MARCHF5: variants seen among roughly 807,000 people sequenced by gnomAD.
MARCHF5 encodes the protein E3 ubiquitin-protein ligase MARCHF5.
In MARCHF5, 5 loss-of-function variants were observed where a neutral mutation model predicts 36.5. The ratio of observed to expected loss-of-function variants is 0.14; its 90% CI spans 0.07 to 0.29. MARCHF5 has a LOEUF of 0.29. Ranked by LOEUF, MARCHF5 falls within the 10% of genes least tolerant of loss-of-function variation. The probability of loss-of-function intolerance (pLI) is 1.00; values close to 1 mark genes in which losing one functional copy is unlikely to be tolerated. For synonymous variants in MARCHF5, 103 were observed against 109.9 expected (o/e 0.94, Z 0.39); for missense variants, 179 against 336.3 (o/e 0.53, Z 3.66).
intron 1 of MARCHF5, among the ~76,000 whole-genome samples, chr10:92,299,262 T>C (rs925361171): frequency 6.6e-6 from 1 of 152,210 alleles, no homozygotes; most frequent in Non-Finnish European, 1.5e-5. Context: ...GAAGGCACAA[T>C]TATAATCATG....
chr10:92,319,000 C>A (rs761743119), intron 2 of MARCHF5, among the ~76,000 whole-genome samples: 1 of 152,164 alleles, frequency 6.6e-6, no homozygotes, highest in Non-Finnish European at 1.5e-5. Context: ...AGCCGCTGTG[C>A]CTGACGACTT....
At chr10:92,338,937 C>T (rs867447025) in intron 2 of MARCHF5, among the ~76,000 whole-genome samples, 1 of 151,560 alleles carries the variant, frequency 6.6e-6, no homozygotes, top group African/African-American at 2.4e-5. Context: ...CTCAGTTACT[C>T]GGGAGGCTGA....
chr10:92,339,604 A>G (rs1211218188), intron 2 of MARCHF5, among the ~76,000 whole-genome samples: 2 of 152,188 alleles, frequency 1.3e-5, no homozygotes, highest in African/African-American at 4.8e-5. Context: ...CAAGAGGCGG[A>G]GGTTGCAGTG....
intron 1 of MARCHF5, among the ~76,000 whole-genome samples, chr10:92,310,205 T>G (rs532120556): frequency 2.0e-4 from 30 of 152,302 alleles, no homozygotes; most frequent in South Asian, 6.2e-4. Context: ...ATCCAATTAA[T>G]TAAAAAGTGC....
chr10:92,297,408 G>C (rs1842959544), intron 1 of MARCHF5, among the ~76,000 whole-genome samples: 2 of 150,834 alleles, frequency 1.3e-5, no homozygotes, highest in Non-Finnish European at 2.9e-5. Context: ...GGGCTCAAGT[G>C]ATCCGCTCGC....
At chr10:92,313,458 A>G (rs1843169991) in intron 2 of MARCHF5, among the ~76,000 whole-genome samples, 1 of 151,848 alleles carries the variant, frequency 6.6e-6, no homozygotes, top group Non-Finnish European at 1.5e-5. Flanking sequence ...CAAAAAAATT[A>G]GCCAGCCTTG....
intron 5 of MARCHF5, among the ~76,000 whole-genome samples, chr10:92,350,502 G>A (rs2135223761): frequency 6.6e-6 from 1 of 152,322 alleles, no homozygotes; most frequent in South Asian, 2.1e-4. Flanking sequence ...AAGCAGGGGT[G>A]ATTGTCGGGT....
intron 1 of MARCHF5, among the ~76,000 whole-genome samples, chr10:92,308,778 C>T (rs1261558997): frequency 4.0e-5 from 6 of 150,040 alleles, no homozygotes; most frequent in Admixed American, 1.3e-4. Context: ...GATCTTGGCT[C>T]ACTGCAAGCT....
At chr10:92,339,044 C>CA (rs530962202) in intron 2 of MARCHF5, among the ~76,000 whole-genome samples, 14,610 of 146,676 alleles carry the variant, frequency 0.1, 2,414 homozygotes, top group African/African-American at 0.34. Context: ...AACTCTGTCT[C>CA]AAAAAAAAAA....
chr10:92,340,850 A>T (rs373741699), intron 3 of MARCHF5, 47 bp downstream of exon 3: 1 of 1,443,898 alleles, frequency 6.9e-7, no homozygotes, highest in East Asian at 2.5e-5. Context: ...GTGAAGATCT[A>T]TTAAAACATT....
intron 2 of MARCHF5, chr10:92,333,571 C>T: frequency 1.2e-6 from 1 of 819,524 alleles, no homozygotes; most frequent in Non-Finnish European, 1.5e-6. Flanking sequence ...ATTGAGACAA[C>T]TGAACAAACA....
intron 2 of MARCHF5, among the ~76,000 whole-genome samples, chr10:92,323,068 TTGCTCAGGC>T (rs1016159729): frequency 3.3e-5 from 5 of 151,958 alleles, no homozygotes; most frequent in African/African-American, 4.8e-5. Context: ...TCTTGCCATG[TTGCTCAGGC>T]TGGAGTGCAG....
chr10:92,317,401 G>T (rs1375047435), intron 2 of MARCHF5, among the ~76,000 whole-genome samples: 1 of 151,908 alleles, frequency 6.6e-6, no homozygotes, highest in African/African-American at 2.4e-5. Context: ...GCCCAGGCAA[G>T]ATTTATTTTC....
intron 1 of MARCHF5, among the ~76,000 whole-genome samples, chr10:92,302,861 A>C (rs1198132595): frequency 6.6e-6 from 1 of 152,208 alleles, no homozygotes; most frequent in Non-Finnish European, 1.5e-5. Context: ...GCAGTCATGT[A>C]AATACACTAT....
intron 3 of MARCHF5, among the ~76,000 whole-genome samples, chr10:92,341,425 A>G (rs1025585987): frequency 6.6e-6 from 1 of 152,092 alleles, no homozygotes; most frequent in Non-Finnish European, 1.5e-5. Flanking sequence ...GCTACATAGA[A>G]CTTGGATAAG....
intron 2 of MARCHF5, among the ~76,000 whole-genome samples, chr10:92,328,821 A>ATATATATATATATAT (rs372130854): frequency 2.5e-5 from 3 of 122,442 alleles, no homozygotes; most frequent in African/African-American, 9.5e-5. Context: ...ATATATATAT[A>ATATATATATATATAT]TTTTTTTTTT....
intron 1 of MARCHF5, among the ~76,000 whole-genome samples, chr10:92,304,591 T>C (rs188393367): frequency 2.0e-5 from 3 of 152,326 alleles, no homozygotes; most frequent in Non-Finnish European, 2.9e-5. Flanking sequence ...ATTTAGCTCA[T>C]TGTAATTTGA....
intron 1 of MARCHF5, among the ~76,000 whole-genome samples, chr10:92,303,811 A>G: frequency 6.6e-6 from 1 of 152,194 alleles, no homozygotes; most frequent in East Asian, 1.9e-4. Flanking sequence ...GTAAGACTAT[A>G]CATCTGTTCT....
At position 92,300,255 on chromosome 10, in the gene MARCHF5, A is replaced by T. The variant is rs374664909; in HGVS notation, c.35+8726A>T. Among the ~76,000 whole-genome samples the T allele has an allele frequency of 7.2e-5, 11 of 151,936 alleles. No individual in the cohort carries two copies. In the East Asian group the frequency reaches 1.4e-3, roughly 19 times the overall value. ...AGCACTTTGGGAGGCCGAGAGGAGC[A>T]GATTGCTTGAGCCCAAGAGTTTGAG... On this transcript the variant is annotated intron_variant, in intron 1 of 5. Transcript: ENST00000358935.
Sources: allele counts gnomAD v4.1 joint callset (sites outside exome capture counted in the v4.1 genomes callset), GRCh38; gene constraint gnomAD v4.1.1; transcripts MANE v1.5; gene names NCBI Gene and HGNC (gene_info 2026-07-23, HGNC 2026-07-21).